The following POLE variants were observed in gnomAD, a reference collection of about 807,000 sequenced individuals.
The protein encoded by POLE is DNA polymerase epsilon, catalytic subunit, also known as DNA polymerase epsilon catalytic subunit A.
POLE carries 188 observed loss-of-function variants against 279.2 expected under a neutral mutation model. The ratio of observed to expected loss-of-function variants is 0.67; its 90% CI spans 0.60 to 0.76. The LOEUF is 0.76. Ranked by LOEUF, POLE falls within the 30% of genes least tolerant of loss-of-function variation. The pLI is 0.00. For synonymous variants in POLE, 1,214 were observed against 1,172.5 expected, an observed-to-expected ratio of 1.04 and a Z score of -0.72; for missense variants, 2,703 against 3,016.7, an observed-to-expected ratio of 0.90 and a Z score of 2.44.
intron 1 of POLE, among the ~76,000 whole-genome samples, chr12:132,682,291 C>CAAAAAAAAAAAAAAA (rs759276322): frequency 8.3e-6 from 1 of 120,476 alleles, no homozygotes; most frequent in African/African-American, 3.4e-5. Context: ...GAGACTCCGG[C>CAAAAAAAAAAAAAAA]AAAAAAAAAA....
At chr12:132,637,029 C>G (rs2138494086) in intron 41 of POLE, among the ~76,000 whole-genome samples, 1 of 152,366 alleles carries the variant, frequency 6.6e-6, no homozygotes, top group South Asian at 2.1e-4. Context: ...TTCCCATTAT[C>G]TCAGCCATGC....
intron 31 of POLE, 23 bp from the exon 32 acceptor site, chr12:132,649,095 A>G (rs1024216746): frequency 6.2e-7 from 1 of 1,606,598 alleles, no homozygotes; most frequent in Non-Finnish European, 8.5e-7. Flanking sequence ...ACGGACATAC[A>G]GCACATCACA....
chr12:132,671,582 T>C (rs970455836), intron 16 of POLE, among the ~76,000 whole-genome samples: 2 of 148,982 alleles, frequency 1.3e-5, no homozygotes, highest in South Asian at 2.1e-4. Context: ...GGCAGGAGAA[T>C]TGCTTGAACC....
intron 5 of POLE, 45 bp downstream of exon 5, chr12:132,679,909 A>G (rs773706441): frequency 3.6e-6 from 5 of 1,371,892 alleles, no homozygotes; most frequent in Admixed American, 3.8e-5. Context: ...GGAACAATGT[A>G]GACTCTGGCC....
chr12:132,639,276 C>G lies in POLE; in HGVS notation c.5401G>C (p.Gly1801Arg). Residue 1801 changes from glycine (G) to arginine (R), a missense_variant, in exon 40 of 49, where the codon GGC (glycine) becomes CGC (arginine). Gly to Arg is a moderately radical substitution (Grantham distance 125, BLOSUM62 -2). Transcript: ENST00000320574. This position sits in a 1 kb window ranked among gnomAD's most constrained non-coding sequence, Gnocchi z 4.7. ...TACTGGGTGATCTCCTTCACCCAGCCCACGACCATGCTCTTCAGGATCCTG... is the reference window on the plus strand; with the variant it reads ...TACTGGGTGATCTCCTTCACCCAGCGCACGACCATGCTCTTCAGGATCCTG... ...TFRILKSMVV[G>R]WVKEITQYHN... The G allele has an allele frequency of 1.2e-6, 2 of 1,614,054 alleles. No homozygotes were observed. Among genetic ancestry groups the G allele is most frequent in the African/African-American group, 1.3e-5 (1 of 75,020 alleles).
intron 1 of POLE, among the ~76,000 whole-genome samples, chr12:132,686,003 G>C (rs545913164): frequency 8.2e-4 from 125 of 151,900 alleles, no homozygotes; most frequent in African/African-American, 2.9e-3. Flanking sequence ...AGCCTCCTGC[G>C]TAGCTGGGAT....
At chr12:132,641,482 G>A in intron 39 of POLE, 165 bp downstream of exon 39, 1 of 639,710 alleles carries the variant, frequency 1.6e-6, no homozygotes, top group Non-Finnish European at 2.7e-6. Context: ...CCCCACAGTG[G>A]TAAAGACAAT....
rs773960177 is a variant in POLE, at chr12:132,639,210, G to GGTA, written c.5464_5466dup (p.Tyr1822dup). ...AGAGAGGATGGCGACCGAAGCCAGC[G>GGTA]GTAGAAGTGCATCACCTGGTTGTCT... is the stretch of plus-strand genomic sequence containing the variant. On this transcript the variant is annotated inframe_insertion, in exon 40 of 49. Transcript: ENST00000320574. This position sits in a 1 kb window ranked among gnomAD's most constrained non-coding sequence, Gnocchi z 4.7. 2 of 1,614,042 alleles carry GGTA rather than the reference G, an allele frequency of 1.2e-6. No individual in the cohort carries two copies. Among genetic ancestry groups the GGTA allele is most frequent in the Non-Finnish European group, 1.7e-6 (2 of 1,179,964 alleles).
chr12:132,658,049 C>T, intron 26 of POLE, 79 bp from the exon 27 acceptor site: 1 of 910,190 alleles, frequency 1.1e-6, no homozygotes, highest in Non-Finnish European at 1.8e-6. Flanking sequence ...ATCAAATGAA[C>T]ATGGAAATAA....
rs1046972573 is a variant in POLE, at chr12:132,639,223, C to T, written c.5454G>A (p.Val1818=). 9.9e-6 allele frequency: 16 copies of T among 1,614,136 alleles called. No homozygotes were observed. Among genetic ancestry groups the T allele is most frequent in the Non-Finnish European group, 1.4e-5 (16 of 1,179,988 alleles). The change falls in exon 40 of 49, where the codon GTG becomes GTA. Residue 1818 remains valine (V), a synonymous_variant. Transcript: ENST00000320574. This position sits in a 1 kb window ranked among gnomAD's most constrained non-coding sequence, Gnocchi z 4.7. ...QYHNIYADNQ[V]MHFYRWLRSP... is the part of the protein sequence containing the mutation. ...ACCGAAGCCAGCGGTAGAAGTGCAT[C>T]ACCTGGTTGTCTGCATAGATGTTGT...
At chr12:132,625,277 C>A in intron 47 of POLE, 1 of 729,536 alleles carries the variant, frequency 1.4e-6, no homozygotes. Flanking sequence ...GGCCTGAACG[C>A]CGTGCACCAC....
chr12:132,635,774 G>A (rs1197226822), intron 42 of POLE, 118 bp downstream of exon 42: 11 of 975,472 alleles, frequency 1.1e-5, no homozygotes, highest in African/African-American at 1.6e-5. Context: ...GGCAGGATGC[G>A]GGTGCAGTGT....
chr12:132,661,518 G>C lies in POLE; in HGVS notation c.2864+9C>G, dbSNP rs780578558. On this transcript the variant is annotated intron_variant, in intron 24 of 48. Coordinates refer to ENST00000320574, the MANE Select transcript of POLE (RefSeq NM_006231.4). The surrounding 1 kb of genome is among the most constrained non-coding windows in gnomAD (Gnocchi z 4.1). ...CCTTTCTAAAGCACAAAAGCTATGA[G>C]AGTCCCACCTCTTCTTCAATTTCTT... 6.2e-7 allele frequency: 1 copy of C among 1,613,778 alleles called. No individual in the cohort carries two copies. Among genetic ancestry groups the C allele is most frequent in the Admixed American group, 1.7e-5 (1 of 59,984 alleles).
rs749266112 is a variant in POLE at position 132,680,013 on chromosome 12, T to G, written c.364A>C (p.Lys122Gln). The G allele has an allele frequency of 6.2e-7, 1 of 1,614,116 alleles. No homozygotes were observed. Among genetic ancestry groups the G allele is most frequent in the East Asian group, 2.2e-5 (1 of 44,890 alleles). ...CEREVSSFLSKKFQGKIAKVE... is the reference protein window; with the variant it reads ...CEREVSSFLSQKFQGKIAKVE... ...TTTGCAATTTTGCCCTGAAACTTCTTGGAGAGAAAAGATGAAACTTCTCGC... is the reference window on the plus strand; with the variant it reads ...TTTGCAATTTTGCCCTGAAACTTCTGGGAGAGAAAAGATGAAACTTCTCGC... Residue 122 changes from lysine (K) to glutamine (Q), a missense_variant, in exon 5 of 49, where the codon AAG (lysine) becomes CAG (glutamine). Physicochemically the swap from Lys to Gln is moderately conservative, Grantham distance 53. Around this residue, in one of 5 missense-constraint regions of POLE, gnomAD observed 1,011 missense variants for 1,111.7 expected, o/e 0.91. Transcript: ENST00000320574.
rs1555222355 is a variant in POLE, at chr12:132,641,785, T to C, written c.5240A>G (p.Asp1747Gly). ...CCCCATGCTGTCGGCCCCCTCCATG[T>C]CGTTGACATGGTGAGACTGGAGAAT... ...NTILQSHHVN[D>G]MEGADSMGIS... Residue 1747 changes from aspartate to glycine, a missense_variant, in exon 39 of 49, where the codon GAC becomes GGC. Physicochemically the swap from Asp to Gly is moderately conservative, Grantham distance 94 (BLOSUM62 -1). Coordinates refer to ENST00000320574, the MANE Select transcript of POLE (RefSeq NM_006231.4). 3.1e-6 allele frequency: 5 copies of C among 1,607,970 alleles called. No homozygotes were observed. The highest frequency in any genetic ancestry group is 2.2e-5 in the South Asian group (2 of 91,078).
chr12:132,645,722 A>G lies in POLE; in HGVS notation c.4150-1745T>C, dbSNP rs950160487. ...CGTAACAACAACCAGGAAAATCTGA[A>G]TAATTCTCAAGCGAGAAGAGAACCA... On this transcript the variant is annotated intron_variant, in intron 32 of 48. Coordinates refer to ENST00000320574, the MANE Select transcript of POLE (RefSeq NM_006231.4). Among the ~76,000 whole-genome samples the G allele has an allele frequency of 2.0e-5, 3 of 152,346 alleles. No individual in the cohort carries two copies. The East Asian group carries it at 5.8e-4, about 29-fold the overall frequency.
intron 41 of POLE, among the ~76,000 whole-genome samples, chr12:132,637,105 G>A (rs763289650): frequency 6.6e-6 from 1 of 152,190 alleles, no homozygotes; most frequent in Non-Finnish European, 1.5e-5. Context: ...GACCATCAAG[G>A]CTCATCTTGG....
intron 1 of POLE, among the ~76,000 whole-genome samples, chr12:132,686,749 AGAG>A (rs2043278668): frequency 6.6e-6 from 1 of 151,942 alleles, no homozygotes; most frequent in Non-Finnish European, 1.5e-5. Flanking sequence ...AAAATAAAAC[AGAG>A]GAGACGAGGT....
At position 132,657,968 on chromosome 12, in the gene POLE, G is replaced by T; in HGVS notation, c.3278C>A (p.Ala1093Asp). The T allele has an allele frequency of 6.2e-7, 1 of 1,608,664 alleles. No homozygotes were observed. The highest frequency in any genetic ancestry group is 8.5e-7 in the Non-Finnish European group (1 of 1,175,058). Reference sequence around the variant, plus strand: ...TGCTTGGAAAATGGCAAGTGGGATGGCCCTGGGTAAGGAAGACAGGCACAC... The same window carrying T: ...TGCTTGGAAAATGGCAAGTGGGATGTCCCTGGGTAAGGAAGACAGGCACAC... ...KPEGSPVTERAIPLAIFQAEP... is the reference protein window; with the variant it reads ...KPEGSPVTERDIPLAIFQAEP... Residue 1093 changes from alanine (A) to aspartate (D), a missense_variant and splice_region_variant, in exon 27 of 49, where the codon GCC (alanine) becomes GAC (aspartate). Around this residue, in one of 5 missense-constraint regions of POLE, gnomAD observed 1,551 missense variants for 1,686.1 expected, o/e 0.92. Transcript: ENST00000320574.
Sources: gnomAD v4.1 joint callset for allele counts (sites outside exome capture counted in the v4.1 genomes callset) on GRCh38, gnomAD v4.1.1 for gene constraint, gnomAD v4.1.1 regional missense constraint, Gnocchi (gnomAD v3.1) non-coding constraint, MANE v1.5 for transcripts, NCBI Gene and HGNC (gene_info 2026-07-23, HGNC 2026-07-21) for gene names.